Variants in NCOA2 observed in about 807,000 individuals in gnomAD.
NCOA2 encodes the protein class E basic helix-loop-helix protein 75.
A neutral mutation model predicts 145.1 loss-of-function variants in NCOA2; 21 were observed. That is an observed-to-expected ratio of 0.14 (90% CI 0.10 to 0.21). NCOA2 has a LOEUF of 0.21. NCOA2 is among the 10% of genes least tolerant of loss of function. The pLI is 1.00. For missense variants in NCOA2, 1,472 were observed against 1,837.6 expected (o/e 0.80, Z 3.64); for synonymous variants, 619 against 637.5 (o/e 0.97, Z 0.44).
intron 1 of NCOA2, among the ~76,000 whole-genome samples, chr8:70,386,645 T>G (rs1355520214): frequency 6.6e-6 from 1 of 152,214 alleles, no homozygotes; most frequent in Non-Finnish European, 1.5e-5. Flanking sequence ...AAAGAAAAAT[T>G]TTTAAAAAAT....
chr8:70,453,689 A>G, the NCOA2 span, among the ~76,000 whole-genome samples: 9 of 152,208 alleles, frequency 5.9e-5, no homozygotes, highest in African/African-American at 1.9e-4. Context: ...TTGTCACACC[A>G]TCTTCTCGCT....
At chr8:70,363,668 T>A (rs534759361) in intron 1 of NCOA2, among the ~76,000 whole-genome samples, 2 of 152,150 alleles carry the variant, frequency 1.3e-5, no homozygotes, top group Non-Finnish European at 2.9e-5. Flanking sequence ...GGATTGTTAT[T>A]TCATGACATT....
chr8:70,156,262 C>T lies in NCOA2; in HGVS notation c.2103G>A (p.Val701=). The T allele has an allele frequency of 6.2e-7, 1 of 1,613,922 alleles. No homozygotes were observed. The highest frequency in any genetic ancestry group is 8.5e-7 in the Non-Finnish European group (1 of 1,179,864). ...HRLLQDSSSP[V]DLAKLTAEAT... ...CTTCTGCTGTTAACTTGGCCAAGTC[C>T]ACAGGGGAACTGCTGTCCTGCAAGA... is the stretch of plus-strand genomic sequence containing the variant. Residue 701 remains valine, a synonymous_variant, in exon 11 of 23, where the codon GTG becomes GTA. Coordinates refer to ENST00000452400, the MANE Select transcript of NCOA2 (RefSeq NM_006540.4).
intron 2 of NCOA2, 134 bp from the exon 3 acceptor site, chr8:70,216,898 G>T: frequency 5.1e-6 from 3 of 587,074 alleles, no homozygotes; most frequent in South Asian, 2.2e-5. Flanking sequence ...ATTGTTTTAT[G>T]TGCATGTATA....
chr8:70,319,220 C>T (rs1464643964), intron 1 of NCOA2, among the ~76,000 whole-genome samples: 3 of 152,014 alleles, frequency 2.0e-5, no homozygotes, highest in African/African-American at 4.8e-5. Context: ...TGTTATATAC[C>T]TTGGATGATG....
In NCOA2 at chr8:70,113,257, G is replaced by C; in HGVS notation, c.*375C>G. The C allele has an allele frequency of 3.6e-6, 1 of 280,822 alleles. No homozygotes were observed. Among genetic ancestry groups the C allele is most frequent in the Non-Finnish European group, 6.7e-6 (1 of 150,208 alleles). The allele number at this position is 280,822 out of a possible 1,614,324, so 17.4% of individuals were successfully genotyped here. ...AAACAAAGCAAGAAACCAGTGTCTG[G>C]AACCGAACAGGAACAGAACAAGAGC... On this transcript the variant is annotated 3_prime_UTR_variant, in exon 23 of 23. Transcript: ENST00000452400.
chr8:70,322,526 T>G (rs1216281727), intron 1 of NCOA2, among the ~76,000 whole-genome samples: 1 of 152,184 alleles, frequency 6.6e-6, no homozygotes, highest in Non-Finnish European at 1.5e-5. Context: ...TTCAGTACAG[T>G]TCTTCCTCCA....
At chr8:70,264,851 G>A (rs1476901065) in intron 2 of NCOA2, among the ~76,000 whole-genome samples, 1 of 151,748 alleles carries the variant, frequency 6.6e-6, no homozygotes, top group Non-Finnish European at 1.5e-5. Flanking sequence ...AACCCATAAT[G>A]TTATAGGAAA....
At chr8:70,291,400 A>G (rs1331824788) in intron 2 of NCOA2, among the ~76,000 whole-genome samples, 1 of 152,212 alleles carries the variant, frequency 6.6e-6, no homozygotes, top group Non-Finnish European at 1.5e-5. Flanking sequence ...ATGCCAACAG[A>G]GGTCACACTT....
rs1426364680 is a variant in NCOA2 at position 70,224,379 on chromosome 8, T to C, written c.-19-7615A>G. ...TTATGAAGGGTAATTGTAAAAATGATACATACTACACCTTAATAATTTCCT... is the reference window on the plus strand; with the variant it reads ...TTATGAAGGGTAATTGTAAAAATGACACATACTACACCTTAATAATTTCCT... On this transcript the variant is annotated intron_variant, in intron 2 of 22. Transcript: ENST00000452400. 2.0e-5 allele frequency among the ~76,000 whole-genome samples: 3 copies of C among 152,266 alleles called. No homozygotes were observed. The East Asian group carries it at 5.8e-4, about 29-fold the overall frequency.
At chr8:70,330,954 C>T (rs968039123) in intron 1 of NCOA2, among the ~76,000 whole-genome samples, 1 of 152,144 alleles carries the variant, frequency 6.6e-6, no homozygotes, top group Non-Finnish European at 1.5e-5. Context: ...TAATATTTCT[C>T]TCCTAAATAA....
chr8:70,191,390 A>G (rs1816656264), intron 4 of NCOA2, among the ~76,000 whole-genome samples: 1 of 152,220 alleles, frequency 6.6e-6, no homozygotes, highest in Non-Finnish European at 1.5e-5. Flanking sequence ...AAATAATGCC[A>G]GTCAAAAGAC....
At chr8:70,330,216 A>ATGATGATAATGATGATG (rs137886603) in intron 1 of NCOA2, among the ~76,000 whole-genome samples, 1 of 150,800 alleles carries the variant, frequency 6.6e-6, no homozygotes, top group East Asian at 2.0e-4. Flanking sequence ...TGATGATGAT[A>ATGATGATAATGATGATG]ATGATGATGA....
At chr8:70,227,458 C>T (rs1820746298) in intron 2 of NCOA2, among the ~76,000 whole-genome samples, 1 of 152,154 alleles carries the variant, frequency 6.6e-6, no homozygotes, top group Admixed American at 6.5e-5. Flanking sequence ...TTCTGAAATA[C>T]CTTTTTATGC....
intron 4 of NCOA2, among the ~76,000 whole-genome samples, chr8:70,199,983 C>T (rs1817713289): frequency 6.6e-6 from 1 of 152,152 alleles, no homozygotes; most frequent in Non-Finnish European, 1.5e-5. Flanking sequence ...ATGGTCTGTA[C>T]CAAACATGAA....
intron 22 of NCOA2, among the ~76,000 whole-genome samples, chr8:70,119,710 T>C (rs1807570122): frequency 6.6e-6 from 1 of 152,212 alleles, no homozygotes; most frequent in African/African-American, 2.4e-5. Flanking sequence ...ACATCTGTTA[T>C]TTTTTGTGTT....
chr8:70,436,776 C>A, the NCOA2 span, among the ~76,000 whole-genome samples: 4 of 152,142 alleles, frequency 2.6e-5, no homozygotes, highest in African/African-American at 9.7e-5. Flanking sequence ...AACTCACAAC[C>A]CTGACACTAA....
intron 2 of NCOA2, among the ~76,000 whole-genome samples, chr8:70,233,262 C>T (rs1224740146): frequency 6.6e-6 from 1 of 151,994 alleles, no homozygotes; most frequent in East Asian, 1.9e-4. Context: ...TACCATATTT[C>T]ATTATAACCC....
chr8:70,231,946 T>C (rs972426832), intron 2 of NCOA2, among the ~76,000 whole-genome samples: 1 of 152,208 alleles, frequency 6.6e-6, no homozygotes, highest in Non-Finnish European at 1.5e-5. Context: ...AATCTGGTCA[T>C]CATTCTGAGT....
Sources: gnomAD v4.1 joint callset for allele counts (sites outside exome capture counted in the v4.1 genomes callset) on GRCh38, gnomAD v4.1.1 for gene constraint, MANE v1.5 for transcripts, NCBI Gene and HGNC (gene_info 2026-07-23, HGNC 2026-07-21) for gene names.